The following SEC23IP variants were observed in gnomAD, a reference collection of about 807,000 sequenced individuals.
SEC23IP encodes SEC23-interacting protein.
SEC23IP carries 70 observed loss-of-function variants against 113.4 expected under a neutral mutation model. The ratio of observed to expected loss-of-function variants is 0.62; its 90% CI spans 0.51 to 0.75. The LOEUF (loss-of-function observed/expected upper bound fraction) is 0.75, where lower values mean the gene tolerates loss of function less well. SEC23IP is among the 30% of genes least tolerant of loss of function. The pLI is 0.00. For missense variants in SEC23IP, 1,160 were observed against 1,204.9 expected (o/e 0.96, Z 0.55); for synonymous variants, 398 against 421.0 (o/e 0.95, Z 0.67).
intron 12 of SEC23IP, among the ~76,000 whole-genome samples, chr10:119,924,463 C>G (rs1180563206): frequency 6.6e-6 from 1 of 151,744 alleles, no homozygotes; most frequent in Non-Finnish European, 1.5e-5. Context: ...CTCTGTTGCT[C>G]AGGCTGGAAT....
intron 18 of SEC23IP, among the ~76,000 whole-genome samples, chr10:119,936,994 T>C (rs183177429): frequency 6.6e-6 from 1 of 151,950 alleles, no homozygotes; most frequent in Admixed American, 6.6e-5. Context: ...TTCATGCCAT[T>C]CTCTTGCCTT....
At chr10:119,911,987 C>G in intron 5 of SEC23IP, 57 bp from the exon 6 acceptor site, 1 of 1,600,420 alleles carries the variant, frequency 6.2e-7, no homozygotes. Flanking sequence ...ACTACTTAGC[C>G]TGTAGTGGAA....
At chr10:119,927,347 C>G (rs1855455604) in intron 13 of SEC23IP, among the ~76,000 whole-genome samples, 1 of 152,192 alleles carries the variant, frequency 6.6e-6, no homozygotes, top group African/African-American at 2.4e-5. Flanking sequence ...TGGCCTTGAA[C>G]AGTAGAAATT....
chr10:119,929,710 A>T lies in SEC23IP; in HGVS notation c.2417A>T (p.Asp806Val). The T allele has an allele frequency of 6.2e-7, 1 of 1,601,352 alleles. No individual in the cohort carries two copies. Among genetic ancestry groups the T allele is most frequent in the Non-Finnish European group, 8.6e-7 (1 of 1,168,280 alleles). Residue 806 changes from aspartate to valine, a missense_variant, in exon 14 of 19, where the codon GAT becomes GTT. Coordinates refer to ENST00000369075, the MANE Select transcript of SEC23IP (RefSeq NM_007190.4). Reference sequence around the variant, plus strand: ...ACTATTCGAGGAGTTGATAGGATAGATGAGAATTACAGCCTTCCTACCTGT... The same window carrying T: ...ACTATTCGAGGAGTTGATAGGATAGTTGAGAATTACAGCCTTCCTACCTGT... The part of the protein sequence containing the change: ...FLTIRGVDRI[D>V]ENYSLPTCKG...
At position 119,917,970 on chromosome 10, in the gene SEC23IP, A is replaced by C. The variant is rs1855108722; in HGVS notation, c.1679A>C (p.Asn560Thr). 3 of 1,613,960 alleles carry C rather than the reference A, an allele frequency of 1.9e-6. No homozygotes were observed. The highest frequency in any genetic ancestry group is 1.7e-5 in the Admixed American group (1 of 60,004). ...GTGGAAAAAGTAGGAATGGAGATAA[A>C]CCATCTGCATGCACTCTTTATGAGT... ...TIVEKVGMEI[N>T]HLHALFMSRN... Residue 560 changes from asparagine (N) to threonine (T), a missense_variant, in exon 9 of 19, where the codon AAC (asparagine) becomes ACC (threonine). Coordinates refer to ENST00000369075, the MANE Select transcript of SEC23IP (RefSeq NM_007190.4).
Position 119,926,178 on chromosome 10 carries a change from T to G in SEC23IP, c.2264T>G (p.Val755Gly). The change falls in exon 13 of 19, where the codon GTG becomes GGG. Residue 755 changes from valine to glycine, a missense_variant. Val to Gly is a moderately radical substitution (Grantham distance 109, BLOSUM62 -3). Transcript: ENST00000369075. Reference protein sequence around the residue: ...PKRKLPVGACVSSVCVNYESF... With the variant: ...PKRKLPVGACGSSVCVNYESF... ...AGGAAACTTCCAGTTGGTGCTTGCG[T>G]GTCTTCTGTGTGTGTGAATTATGAA... 1 of 1,614,128 alleles carries G rather than the reference T, an allele frequency of 6.2e-7. No individual in the cohort carries two copies. The highest frequency in any genetic ancestry group is 1.1e-5 in the South Asian group (1 of 91,076).
chr10:119,929,221 G>T (rs1413848214), intron 13 of SEC23IP, among the ~76,000 whole-genome samples: 1 of 152,068 alleles, frequency 6.6e-6, no homozygotes, highest in African/African-American at 2.4e-5. Context: ...ATTTTAAAGA[G>T]AAATTTTTTA....
At chr10:119,934,294 C>A (rs1366713767) in intron 18 of SEC23IP, among the ~76,000 whole-genome samples, 2 of 152,154 alleles carry the variant, frequency 1.3e-5, no homozygotes, top group African/African-American at 4.8e-5. Flanking sequence ...GGGTAGTACT[C>A]CTCACATCTG....
In SEC23IP at chr10:119,942,175, C is replaced by G. The variant is rs1316600189; in HGVS notation, c.*1610C>G. 6.6e-6 allele frequency: 1 copy of G among 152,112 alleles called. No homozygotes were observed. The highest frequency in any genetic ancestry group is 2.4e-5 in the African/African-American group (1 of 41,412). 9.4% of individuals were successfully genotyped at this position (152,112 alleles called of 1,614,324 possible). On this transcript the variant is annotated 3_prime_UTR_variant, in exon 19 of 19. Transcript: ENST00000369075. ...CTGATTTTTGTTTGTGTCATTCAGC[C>G]TGTCTTCTGAGTAATGGGCAGAGAA...
Position 119,933,070 on chromosome 10 carries a change from T to A in SEC23IP, c.2824T>A (p.Leu942Ile). Residue 942 changes from leucine to isoleucine, a missense_variant, in exon 17 of 19, where the codon TTA (leucine) becomes ATA (isoleucine). Coordinates refer to ENST00000369075, the MANE Select transcript of SEC23IP (RefSeq NM_007190.4). ...DEDYLGKVGMLNGGRRIDYVL... is the reference protein window; with the variant it reads ...DEDYLGKVGMINGGRRIDYVL... ...GGACTACTTAGGAAAGGTTGGAATG[T>A]TAAATGGAGGCCGCCGAATTGACTA... The A allele has an allele frequency of 1.9e-6, 3 of 1,614,126 alleles. No homozygotes were observed. In the South Asian group the frequency reaches 3.3e-5, roughly 18 times the overall value.
intron 4 of SEC23IP, among the ~76,000 whole-genome samples, chr10:119,908,172 A>T (rs1012644633): frequency 6.6e-6 from 1 of 152,172 alleles, no homozygotes; most frequent in Non-Finnish European, 1.5e-5. Flanking sequence ...AAGAAAGACT[A>T]TATCTGGAGG....
intron 18 of SEC23IP, among the ~76,000 whole-genome samples, chr10:119,936,977 T>A (rs976535581): frequency 6.6e-6 from 1 of 151,932 alleles, no homozygotes; most frequent in Non-Finnish European, 1.5e-5. Context: ...AAGCTCCTCC[T>A]CCCGGGTTCA....
In SEC23IP at chr10:119,942,119, A is replaced by G. The variant is rs1564931285; in HGVS notation, c.*1554A>G. 1 of 152,244 alleles carries G rather than the reference A, an allele frequency of 6.6e-6. No individual in the cohort carries two copies. The highest frequency in any genetic ancestry group is 2.4e-5 in the African/African-American group (1 of 41,460). 9.4% of individuals were successfully genotyped at this position (152,244 alleles called of 1,614,324 possible). A position where few individuals can be genotyped will look rare whatever the true frequency, so the allele number is the denominator to read the frequency against. On this transcript the variant is annotated 3_prime_UTR_variant, in exon 19 of 19. Transcript: ENST00000369075. ...ATGAGGGTTATTTATATACATTTCA[A>G]TAAAATCCAATTTGATTTTTCAACT...
At chr10:119,903,997 G>A in intron 3 of SEC23IP, 87 bp from the exon 4 acceptor site, 1 of 1,411,502 alleles carries the variant, frequency 7.1e-7, no homozygotes, top group Non-Finnish European at 9.8e-7. Flanking sequence ...TGGGATTACA[G>A]GCATGAGCCA....
chr10:119,909,100 T>G lies in SEC23IP; in HGVS notation c.1161T>G (p.Ser387Arg). ...GGCACCGAAGATTAGAGTTTCCAAG[T>G]GGAGAGACAATTGTTATGCACAATC... The part of the protein sequence containing the change: ...NQWHRRLEFP[S>R]GETIVMHNPK... The change falls in exon 5 of 19, where the codon AGT becomes AGG. Residue 387 changes from serine (S) to arginine (R), a missense_variant. Physicochemically the swap from Ser to Arg is moderately radical, Grantham distance 110 (BLOSUM62 -1). Transcript: ENST00000369075. 1 of 1,612,840 alleles carries G rather than the reference T, an allele frequency of 6.2e-7. No homozygotes were observed. The highest frequency in any genetic ancestry group is 8.5e-7 in the Non-Finnish European group (1 of 1,179,328).
intron 14 of SEC23IP, among the ~76,000 whole-genome samples, chr10:119,930,010 A>G (rs1450712006): frequency 6.6e-6 from 1 of 152,128 alleles, no homozygotes; most frequent in Non-Finnish European, 1.5e-5. Flanking sequence ...AAATTCTCAT[A>G]TTCTTATTTC....
In SEC23IP at chr10:119,898,449, G is replaced by A; in HGVS notation, c.186G>A (p.Glu62=). Residue 62 remains glutamate (E), a synonymous_variant, in exon 2 of 19, where the codon GAG becomes GAA. Transcript: ENST00000369075. ...LPGEDSTDVG[E]EDSFLGQTSI... ...CAGAGGATTCCACAGATGTTGGTGA[G>A]GAGGACAGCTTCCTTGGTCAGACTT... 6.2e-7 allele frequency: 1 copy of A among 1,613,136 alleles called. No homozygotes were observed.
intron 12 of SEC23IP, among the ~76,000 whole-genome samples, chr10:119,924,027 G>A (rs998116464): frequency 6.6e-6 from 1 of 152,174 alleles, no homozygotes; most frequent in Non-Finnish European, 1.5e-5. Flanking sequence ...TTAAAGTGAG[G>A]AACCCTGAAA....
rs1039523391 is a variant in SEC23IP at position 119,929,177 on chromosome 10, A to C, written c.2314-430A>C. On this transcript the variant is annotated intron_variant, in intron 13 of 18. Transcript: ENST00000369075. ...ATTATGCCGTGCAAAACAATATGTA[A>C]AAGTATAGCCAGAGGATATAATAGT... Among the ~76,000 whole-genome samples, 5 of 152,226 alleles carry C rather than the reference A, an allele frequency of 3.3e-5. No homozygotes were observed. The South Asian group carries it at 1.0e-3, about 32-fold the overall frequency.
Sources: allele counts gnomAD v4.1 joint callset (sites outside exome capture counted in the v4.1 genomes callset), GRCh38; gene constraint gnomAD v4.1.1; transcripts MANE v1.5; gene names NCBI Gene and HGNC (gene_info 2026-07-23, HGNC 2026-07-21).